PAFAH2: variants seen among roughly 807,000 people sequenced by gnomAD.
PAFAH2 encodes the protein platelet-activating factor acetylhydrolase 2, cytoplasmic.
A neutral mutation model predicts 49.0 loss-of-function variants in PAFAH2; 42 were observed. That is an observed-to-expected ratio of 0.86 (90% CI 0.67 to 1.11). The LOEUF (loss-of-function observed/expected upper bound fraction) is 1.11. Among genes scored for constraint, PAFAH2 ranks in the 50% least tolerant of loss-of-function variants. PAFAH2 has a pLI of 0.00. For synonymous variants in PAFAH2, 184 were observed against 181.3 expected (o/e 1.01, Z -0.12); for missense variants, 503 against 501.8 (o/e 1.00, Z -0.02).
At chr1:25,983,821 T>C in intron 6 of PAFAH2, 125 bp downstream of exon 6, 1 of 1,026,866 alleles carries the variant, frequency 9.7e-7, no homozygotes, top group South Asian at 1.5e-5. Context: ...TTTCCACTGA[T>C]GTGGCAAACT....
intron 7 of PAFAH2, among the ~76,000 whole-genome samples, chr1:25,981,877 C>T (rs1204838232): frequency 6.6e-6 from 1 of 152,100 alleles, no homozygotes; most frequent in Non-Finnish European, 1.5e-5. Context: ...AAAAATTAGC[C>T]AGGCACAGTG....
chr1:25,984,402 G>A lies in PAFAH2; in HGVS notation c.410+58C>T, dbSNP rs904727774. On this transcript the variant is annotated intron_variant, in intron 5 of 10. Transcript: ENST00000374282. Reference sequence around the variant, plus strand: ...GGTTAGAAATAGTACATTGATAGGGGACTAGCCTATATCCTAGCTCACTGC... The same window carrying A: ...GGTTAGAAATAGTACATTGATAGGGAACTAGCCTATATCCTAGCTCACTGC... 9 of 1,236,450 alleles carry A rather than the reference G, an allele frequency of 7.3e-6. No individual in the cohort carries two copies. In the African/African-American group the frequency reaches 1.3e-4, roughly 18 times the overall value. 76.6% of individuals were successfully genotyped at this position (1,236,450 alleles called of 1,614,324 possible). A position where few individuals can be genotyped will look rare whatever the true frequency, so the allele number is the denominator to read the frequency against.
intron 1 of PAFAH2, among the ~76,000 whole-genome samples, chr1:25,996,352 G>T (rs539823066): frequency 1.3e-5 from 2 of 152,148 alleles, no homozygotes; most frequent in African/African-American, 2.4e-5. Flanking sequence ...GTGACAGAGC[G>T]AGGTCTTGTC....
chr1:25,965,609 AG>A (rs2049407567), intron 10 of PAFAH2, among the ~76,000 whole-genome samples: 10 of 152,154 alleles, frequency 6.6e-5, no homozygotes, highest in Admixed American at 6.5e-4. Flanking sequence ...TGAGGTCAGG[AG>A]TTTGAGACCA....
At chr1:25,981,791 C>T (rs761393168) in intron 7 of PAFAH2, among the ~76,000 whole-genome samples, 35 of 152,112 alleles carry the variant, frequency 2.3e-4, no homozygotes, top group Non-Finnish European at 2.9e-4. Context: ...GAGGCCGAGG[C>T]GGGCGGATCA....
intron 7 of PAFAH2, 35 bp downstream of exon 7, chr1:25,982,329 T>C (rs773885074): frequency 1.4e-6 from 2 of 1,452,796 alleles, no homozygotes; most frequent in South Asian, 1.1e-5. Context: ...AAACCCTGAA[T>C]ACTGGGCTCT....
At chr1:25,981,911 C>A (rs1286759811) in intron 7 of PAFAH2, among the ~76,000 whole-genome samples, 2 of 151,938 alleles carry the variant, frequency 1.3e-5, no homozygotes, top group African/African-American at 4.8e-5. Context: ...ATCCCAGAAA[C>A]TCAGGAGGCT....
At chr1:25,994,937 C>T (rs1303077832) in intron 1 of PAFAH2, among the ~76,000 whole-genome samples, 1 of 152,156 alleles carries the variant, frequency 6.6e-6, no homozygotes, top group Non-Finnish European at 1.5e-5. Context: ...TCTTTATTTC[C>T]TGGACTCACA....
At position 25,976,727 on chromosome 1, in the gene PAFAH2, C is replaced by A. The variant is rs776554662; in HGVS notation, c.713G>T (p.Gly238Val). Residue 238 changes from glycine to valine, a missense_variant, in exon 8 of 11, where the codon GGA becomes GTA. Coordinates refer to ENST00000374282, the MANE Select transcript of PAFAH2 (RefSeq NM_000437.4). The part of the protein sequence containing the change: ...SRVAVMGHSF[G>V]GATAILALAK... ...CAAAGCCAGAATAGCTGTGGCCCCT[C>A]CAAATGAATGTCCCATCACAGCCAC... The A allele has an allele frequency of 1.9e-5, 31 of 1,614,116 alleles. 1 individual carries two copies. In the Middle Eastern group the frequency reaches 6.6e-4, roughly 34 times the overall value.
chr1:25,962,064 ATT>A lies in PAFAH2; in HGVS notation c.1102_1103del (p.Asn368SerfsTer7). On this transcript the variant is annotated frameshift_variant, in exon 11 of 11. Transcript: ENST00000374282. LOFTEE classifies it high-confidence loss of function. ...TGCCTTCAATAAGGTTGTTCCATTGATTATAGTCTTCTTTCAGGTCTGAAAAG... is the reference window on the plus strand; with the variant it reads ...TGCCTTCAATAAGGTTGTTCCATTGAATAGTCTTCTTTCAGGTCTGAAAAG... ...QKHLDLKEDY[N>X]QWNNLIEGIG... 6.2e-7 allele frequency: 1 copy of A among 1,613,692 alleles called. No individual in the cohort carries two copies. Among genetic ancestry groups the A allele is most frequent in the Non-Finnish European group, 8.5e-7 (1 of 1,179,810 alleles).
At chr1:25,967,533 C>CCAGAGGAGGGGGCCAT in intron 10 of PAFAH2, among the ~76,000 whole-genome samples, 1 of 143,060 alleles carries the variant, frequency 7.0e-6, no homozygotes, top group South Asian at 2.2e-4. Flanking sequence ...TGGGGGTTTC[C>CCAGAGGAGGGGGCCAT]CAGAGGAGGG....
chr1:25,992,808 G>T (rs1267488491), intron 1 of PAFAH2, among the ~76,000 whole-genome samples: 2 of 152,206 alleles, frequency 1.3e-5, no homozygotes, highest in African/African-American at 4.8e-5. Context: ...ATTAACCGGA[G>T]CCAATCAGTC....
At chr1:25,979,736 C>T (rs1249146333) in intron 7 of PAFAH2, among the ~76,000 whole-genome samples, 4 of 152,248 alleles carry the variant, frequency 2.6e-5, no homozygotes, top group South Asian at 4.1e-4. Flanking sequence ...GTGGTCCGCC[C>T]GCCTCAGCCT....
In PAFAH2 at chr1:25,961,550, A is replaced by T. The variant is rs551493422; in HGVS notation, c.*439T>A. ...AGGGAGAAGGCTGAGAGGTAGGAAG[A>T]GATGGTGTTGGGCTGGGCTAGAGTC... On this transcript the variant is annotated 3_prime_UTR_variant, in exon 11 of 11. Transcript: ENST00000374282. 6.5e-6 allele frequency: 1 copy of T among 154,262 alleles called. No individual in the cohort carries two copies. Among genetic ancestry groups the T allele is most frequent in the South Asian group, 2.1e-4 (1 of 4,874 alleles). 9.6% of individuals were successfully genotyped at this position (154,262 alleles called of 1,614,324 possible). A position where few individuals can be genotyped will look rare whatever the true frequency, so the allele number is the denominator to read the frequency against.
At chr1:25,997,522 C>T (rs1329307528) in intron 1 of PAFAH2, 1 of 152,204 alleles carries the variant, frequency 6.6e-6, no homozygotes, top group East Asian at 1.9e-4. Flanking sequence ...ATGATTTGCC[C>T]AAGGTCACAG....
At chr1:25,972,771 T>G (rs781036871) in intron 9 of PAFAH2, 59 bp from the exon 10 acceptor site, 5 of 1,566,490 alleles carry the variant, frequency 3.2e-6, no homozygotes, top group Non-Finnish European at 3.5e-6. Context: ...CAGATGTGTG[T>G]TAGGCACCTA....
At position 25,982,400 on chromosome 1, in the gene PAFAH2, G is replaced by A. The variant is rs1322354076; in HGVS notation, c.630C>T (p.Asn210=). Residue 210 remains asparagine, a synonymous_variant, in exon 7 of 11, where the codon AAC becomes AAT. Coordinates refer to ENST00000374282, the MANE Select transcript of PAFAH2 (RefSeq NM_000437.4). ...QEVTAGQTVF[N]ILPGGLDLMT... The stretch of plus-strand genomic sequence containing the variant: ...TCAGATCCAAGCCACCAGGCAAGAT[G>A]TTGAAGACAGTCTGCCCAGCAGTGA... 1 of 1,614,128 alleles carries A rather than the reference G, an allele frequency of 6.2e-7. No individual in the cohort carries two copies. Among genetic ancestry groups the A allele is most frequent in the Non-Finnish European group, 8.5e-7 (1 of 1,180,008 alleles).
In PAFAH2 at chr1:25,989,482, C is replaced by T; in HGVS notation, c.210G>A (p.Lys70=). Reference sequence around the variant, plus strand: ...GGTTGAACAGCAAGCCCCCGCAGCGCTTATTAAACTGCAGGTACTCGGCCA... The same window carrying T: ...GGTTGAACAGCAAGCCCCCGCAGCGTTTATTAAACTGCAGGTACTCGGCCA... The part of the protein sequence containing the change: ...TGLAEYLQFN[K]RCGGLLFNLA... The change falls in exon 3 of 11, where the codon AAG becomes AAA. Residue 70 remains lysine, a synonymous_variant. Coordinates refer to ENST00000374282, the MANE Select transcript of PAFAH2 (RefSeq NM_000437.4). The T allele has an allele frequency of 1.9e-6, 3 of 1,610,316 alleles. No individual in the cohort carries two copies. Among genetic ancestry groups the T allele is most frequent in the Non-Finnish European group, 2.5e-6 (3 of 1,178,042 alleles).
rs34317686 is a variant in PAFAH2 at position 25,983,986 on chromosome 1, A to G, written c.512T>C (p.Val171Ala). 1.0e-3 allele frequency: 1,662 copies of G among 1,613,760 alleles called. 16 individuals are homozygous for G. In the African/African-American group the frequency reaches 0.017, roughly 17 times the overall value. ...ATGAAATTCCTTCTCCCCTTCCTCA[A>G]CTCGACGGAAAGGGATCCATTCCTC... The part of the protein sequence containing the change: ...LQEEWIPFRR[V>A]EEGEKEFHVR... Residue 171 changes from valine (V) to alanine (A), a missense_variant, in exon 6 of 11, where the codon GTT becomes GCT. Transcript: ENST00000374282.
Sources: gnomAD v4.1 joint callset for allele counts (sites outside exome capture counted in the v4.1 genomes callset) on GRCh38, gnomAD v4.1.1 for gene constraint, MANE v1.5 for transcripts, NCBI Gene and HGNC (gene_info 2026-07-23, HGNC 2026-07-21) for gene names.